LUZP2: variants seen among roughly 807,000 people sequenced by gnomAD.
LUZP2 encodes the protein leucine zipper protein 2.
In LUZP2, 52 loss-of-function variants were observed where a neutral mutation model predicts 51.6. The observed-to-expected ratio is 1.01, with a 90% CI of 0.81 to 1.27. The LOEUF is 1.27. Among genes scored for constraint, LUZP2 ranks in the 50% most tolerant of loss-of-function variants. LUZP2 has a pLI of 0.00. For missense variants in LUZP2, 436 were observed against 395.4 expected, an observed-to-expected ratio of 1.10 and a Z score of -0.87; for synonymous variants, 154 against 137.3, an observed-to-expected ratio of 1.12 and a Z score of -0.85.
intron 1 of LUZP2, among the ~76,000 whole-genome samples, chr11:24,622,558 G>A (rs925605222): frequency 1.1e-4 from 16 of 152,038 alleles, no homozygotes; most frequent in Non-Finnish European, 2.4e-4. Context: ...GGAAACAACA[G>A]GGTCTTATCA....
chr11:24,606,929 C>T (rs77414204), intron 1 of LUZP2, among the ~76,000 whole-genome samples: 2,609 of 151,860 alleles, frequency 0.017, 73 homozygotes, highest in East Asian at 0.12. Flanking sequence ...TATCTATTGG[C>T]CATTTGTATG....
intron 5 of LUZP2, among the ~76,000 whole-genome samples, chr11:24,778,665 TA>T (rs1849008814): frequency 6.6e-6 from 1 of 151,552 alleles, no homozygotes; most frequent in Admixed American, 6.6e-5. Flanking sequence ...TGAAGGAACA[TA>T]AAAAGGAAGA....
At chr11:24,676,393 C>A (rs1370773386) in intron 1 of LUZP2, among the ~76,000 whole-genome samples, 1 of 152,114 alleles carries the variant, frequency 6.6e-6, no homozygotes, top group Non-Finnish European at 1.5e-5. Flanking sequence ...TTACAAATTT[C>A]TTCTCCAAAT....
chr11:24,866,414 A>G (rs780979095), intron 5 of LUZP2, among the ~76,000 whole-genome samples: 5 of 152,204 alleles, frequency 3.3e-5, no homozygotes, highest in Admixed American at 2.6e-4. Flanking sequence ...GCTATTGGCC[A>G]TGACAACCAG....
At chr11:24,614,649 T>G (rs113843707) in intron 1 of LUZP2, among the ~76,000 whole-genome samples, 77 of 152,114 alleles carry the variant, frequency 5.1e-4, no homozygotes, top group African/African-American at 1.8e-3. Context: ...GATTTAGATC[T>G]TTGTACTGCA....
chr11:24,682,186 AC>A (rs1190085652), intron 1 of LUZP2, among the ~76,000 whole-genome samples: 1 of 152,092 alleles, frequency 6.6e-6, no homozygotes, highest in Non-Finnish European at 1.5e-5. Context: ...TGCAACTAAT[AC>A]ATTATATGTT....
chr11:24,582,629 A>G (rs1302716115), intron 1 of LUZP2, among the ~76,000 whole-genome samples: 1 of 152,098 alleles, frequency 6.6e-6, no homozygotes, highest in East Asian at 1.9e-4. Context: ...CTAAAACCTT[A>G]TAAGTGGTAC....
intron 6 of LUZP2, among the ~76,000 whole-genome samples, chr11:24,912,046 G>C (rs1183140980): frequency 1.3e-5 from 2 of 152,098 alleles, no homozygotes; most frequent in African/African-American, 4.8e-5. Context: ...ACAGAGTTAA[G>C]TGATACAGAA....
intron 1 of LUZP2, among the ~76,000 whole-genome samples, chr11:24,582,055 G>C (rs936782320): frequency 6.6e-6 from 1 of 151,890 alleles, no homozygotes; most frequent in Non-Finnish European, 1.5e-5. Flanking sequence ...TTTCATTTTG[G>C]GCGATACAAA....
At chr11:24,554,701 A>ATTTT (rs397747044) in intron 1 of LUZP2, among the ~76,000 whole-genome samples, 28,283 of 133,032 alleles carry the variant, frequency 0.21, 3,694 homozygotes, top group Middle Eastern at 0.4. Context: ...TGGTTATTTA[A>ATTTT]TTTTTTTTTT....
At chr11:25,077,095 G>C (rs900217676) in intron 10 of LUZP2, among the ~76,000 whole-genome samples, 2 of 152,092 alleles carry the variant, frequency 1.3e-5, no homozygotes, top group Non-Finnish European at 2.9e-5. Flanking sequence ...CTTCTTTGTA[G>C]TAGCTGACTG....
At chr11:24,857,269 G>T (rs993568717) in intron 5 of LUZP2, among the ~76,000 whole-genome samples, 83 of 85,736 alleles carry the variant, frequency 9.7e-4, no homozygotes, top group African/African-American at 3.2e-3. Context: ...TAAGATTCAT[G>T]GGGATATATA....
intron 7 of LUZP2, among the ~76,000 whole-genome samples, chr11:24,925,603 C>T (rs1310082146): frequency 6.6e-6 from 1 of 151,992 alleles, no homozygotes; most frequent in African/African-American, 2.4e-5. Context: ...TAAAAGTTCA[C>T]ACATTTCTTA....
Position 24,944,413 on chromosome 11 carries a change from T to G in LUZP2, c.522+29875T>G, listed in dbSNP as rs568821015. Reference sequence around the variant, plus strand: ...CAATTAAATGAAAATTCTAAACATATGCATATAATTTTTGTATGCACAAAT... The same window carrying G: ...CAATTAAATGAAAATTCTAAACATAGGCATATAATTTTTGTATGCACAAAT... On this transcript the variant is annotated intron_variant, in intron 7 of 11. Transcript: ENST00000336930. Among the ~76,000 whole-genome samples, 5 of 152,276 alleles carry G rather than the reference T, an allele frequency of 3.3e-5. No homozygotes were observed. The East Asian group carries it at 5.8e-4, about 18-fold the overall frequency.
chr11:24,572,947 T>G (rs1292464501), intron 1 of LUZP2, among the ~76,000 whole-genome samples: 1 of 152,052 alleles, frequency 6.6e-6, no homozygotes, highest in Admixed American at 6.6e-5. Flanking sequence ...AAATTCAAGC[T>G]TAGATATCAC....
intron 1 of LUZP2, among the ~76,000 whole-genome samples, chr11:24,660,716 T>C (rs1329405752): frequency 2.6e-5 from 4 of 152,170 alleles, no homozygotes; most frequent in Non-Finnish European, 5.9e-5. Context: ...AACATTCGAT[T>C]AAGCAGAGTT....
chr11:24,580,039 C>G (rs1852793212), intron 1 of LUZP2, among the ~76,000 whole-genome samples: 1 of 151,990 alleles, frequency 6.6e-6, no homozygotes, highest in Admixed American at 6.6e-5. Flanking sequence ...TGGTTAAAGA[C>G]TATTTAAATA....
intron 1 of LUZP2, among the ~76,000 whole-genome samples, chr11:24,567,838 G>A (rs1032244442): frequency 6.6e-6 from 1 of 152,130 alleles, no homozygotes; most frequent in South Asian, 2.1e-4. Context: ...AGATCCTAAA[G>A]GAAGTTCCTC....
At chr11:24,872,917 C>T (rs1436729114) in intron 5 of LUZP2, among the ~76,000 whole-genome samples, 1 of 152,072 alleles carries the variant, frequency 6.6e-6, no homozygotes, top group Non-Finnish European at 1.5e-5. Context: ...CTAGAACATA[C>T]ATCTTGTGAA....
Sources: gnomAD v4.1 joint callset for allele counts (sites outside exome capture counted in the v4.1 genomes callset) on GRCh38, gnomAD v4.1.1 for gene constraint, MANE v1.5 for transcripts, NCBI Gene and HGNC (gene_info 2026-07-23, HGNC 2026-07-21) for gene names.